The following KIRREL3 variants were observed in gnomAD, a reference collection of about 807,000 sequenced individuals.
KIRREL3 encodes the protein kirre like nephrin family adhesion molecule 3, also known as kin of IRRE-like protein 3.
KIRREL3 carries 36 observed loss-of-function variants against 89.7 expected under a neutral mutation model. The ratio of observed to expected loss-of-function variants is 0.40; its 90% confidence interval spans 0.31 to 0.53. The LOEUF (loss-of-function observed/expected upper bound fraction) is 0.53. KIRREL3 is among the 20% of genes least tolerant of loss of function. KIRREL3 has a pLI of 0.49. For synonymous variants in KIRREL3, 445 were observed against 441.4 expected (o/e 1.01, Z -0.10); for missense variants, 864 against 1,056.6 (o/e 0.82, Z 2.53).
At position 126,903,594 on chromosome 11, in the gene KIRREL3, G is replaced by C. The variant is rs969269763; in HGVS notation, c.55+96861C>G. 2.2e-4 allele frequency among the ~76,000 whole-genome samples: 33 copies of C among 152,080 alleles called. No individual in the cohort carries two copies. The highest frequency in any genetic ancestry group is 3.5e-4 in the Non-Finnish European group (24 of 68,022). On this transcript the variant is annotated intron_variant, in intron 1 of 16. Coordinates refer to ENST00000525144, the MANE Select transcript of KIRREL3 (RefSeq NM_032531.4). This position sits in a 1 kb window ranked among gnomAD's most constrained non-coding sequence, Gnocchi z 4.5. The stretch of plus-strand genomic sequence containing the variant: ...TGAGTTTATTACTACCCATAACCCT[G>C]GCCTAAGTGGAAACAAAAAAGCTGT...
intron 6 of KIRREL3, among the ~76,000 whole-genome samples, chr11:126,456,689 G>GA (rs922204462): frequency 5.3e-5 from 8 of 152,134 alleles, no homozygotes; most frequent in African/African-American, 1.7e-4. Context: ...CACGAACCCC[G>GA]AGCCAGGAAG....
At chr11:126,743,717 A>C (rs1427406339) in intron 1 of KIRREL3, among the ~76,000 whole-genome samples, 1 of 152,204 alleles carries the variant, frequency 6.6e-6, no homozygotes, top group Non-Finnish European at 1.5e-5. Context: ...TAATATGGGG[A>C]TATGATTACG....
At chr11:126,829,383 AC>A (rs1208628266) in intron 1 of KIRREL3, among the ~76,000 whole-genome samples, 2 of 152,174 alleles carry the variant, frequency 1.3e-5, no homozygotes, top group Non-Finnish European at 2.9e-5. Flanking sequence ...TGAATCAATA[AC>A]TTTTGCTAAT....
At chr11:126,505,381 C>A (rs775654261) in intron 4 of KIRREL3, among the ~76,000 whole-genome samples, 1 of 152,136 alleles carries the variant, frequency 6.6e-6, no homozygotes. Context: ...ACCAGCCTGG[C>A]CAACATGGTG....
In KIRREL3 at chr11:126,429,610, C is replaced by T. The variant is rs1955056072; in HGVS notation, c.1697-322G>A. ...GGTCCTTTTCATCCTACTGAATTCT[C>T]ACTTCCTTCTAGAAGTCTTCTCTGA... On this transcript the variant is annotated intron_variant, in intron 14 of 16. Coordinates refer to ENST00000525144, the MANE Select transcript of KIRREL3 (RefSeq NM_032531.4). The surrounding 1 kb of genome is among the most constrained non-coding windows in gnomAD (Gnocchi z 5.2). Among the ~76,000 whole-genome samples, 1 of 152,228 alleles carries T rather than the reference C, an allele frequency of 6.6e-6. No individual in the cohort carries two copies. The highest frequency in any genetic ancestry group is 2.4e-5 in the African/African-American group (1 of 41,466).
At chr11:126,663,420 C>T (rs917416557) in intron 1 of KIRREL3, among the ~76,000 whole-genome samples, 3 of 151,966 alleles carry the variant, frequency 2.0e-5, no homozygotes, top group African/African-American at 4.8e-5. Context: ...GTCCTGACCT[C>T]GTGATCCGCC....
intron 1 of KIRREL3, among the ~76,000 whole-genome samples, chr11:126,800,018 C>T (rs1950982003): frequency 6.6e-6 from 1 of 152,174 alleles, no homozygotes; most frequent in Non-Finnish European, 1.5e-5. Flanking sequence ...GTGGGTGGGG[C>T]TCTGAGCATT....
chr11:126,744,133 G>A lies in KIRREL3; in HGVS notation c.56-181221C>T, dbSNP rs1033018663. Among the ~76,000 whole-genome samples the A allele has an allele frequency of 2.6e-5, 4 of 152,210 alleles. No homozygotes were observed. Among genetic ancestry groups the A allele is most frequent in the Admixed American group, 2.6e-4 (4 of 15,290 alleles). On this transcript the variant is annotated intron_variant, in intron 1 of 16. Coordinates refer to ENST00000525144, the MANE Select transcript of KIRREL3 (RefSeq NM_032531.4). This position sits in a 1 kb window ranked among gnomAD's most constrained non-coding sequence, Gnocchi z 4.7. ...GCCCAGGAAGGTGGAGCTGTGCTTG[G>A]GAAAGTGGTGGACAGGCCATTCATG...
In KIRREL3 at chr11:126,651,735, T is replaced by G. The variant is rs1417200794; in HGVS notation, c.56-88823A>C. Among the ~76,000 whole-genome samples, 1 of 152,232 alleles carries G rather than the reference T, an allele frequency of 6.6e-6. No homozygotes were observed. The highest frequency in any genetic ancestry group is 1.5e-5 in the Non-Finnish European group (1 of 68,048). On this transcript the variant is annotated intron_variant, in intron 1 of 16. Transcript: ENST00000525144. The surrounding 1 kb of genome is among the most constrained non-coding windows in gnomAD (Gnocchi z 4.6). ...TTTTCATTCCTTTTTTATAATAAGC[T>G]AATTAGTTTAAATTATTTGTACTTG...
At chr11:126,856,290 G>A (rs1008228072) in intron 1 of KIRREL3, among the ~76,000 whole-genome samples, 1 of 152,078 alleles carries the variant, frequency 6.6e-6, no homozygotes, top group Non-Finnish European at 1.5e-5. Flanking sequence ...CTACCTCTCA[G>A]CTTTGCTTCT....
At chr11:126,663,018 A>G (rs1157687443) in intron 1 of KIRREL3, among the ~76,000 whole-genome samples, 1 of 149,938 alleles carries the variant, frequency 6.7e-6, no homozygotes, top group African/African-American at 2.5e-5. Context: ...TCTGGCAGAA[A>G]TACTATGGAA....
chr11:126,436,740 C>T, intron 12 of KIRREL3, 71 bp downstream of exon 12: 1 of 1,565,156 alleles, frequency 6.4e-7, no homozygotes, highest in Non-Finnish European at 8.8e-7. Flanking sequence ...CACCCGCGCC[C>T]TGACCTAGGT....
chr11:126,945,780 G>A (rs982146690), intron 1 of KIRREL3, among the ~76,000 whole-genome samples: 3 of 152,138 alleles, frequency 2.0e-5, no homozygotes, highest in African/African-American at 7.2e-5. Context: ...GCATGTTGAC[G>A]GTTATAAAGT....
chr11:126,930,778 T>C (rs1256820715), intron 1 of KIRREL3, among the ~76,000 whole-genome samples: 3 of 152,182 alleles, frequency 2.0e-5, no homozygotes, highest in Non-Finnish European at 4.4e-5. Context: ...ATCAGGTATC[T>C]GGTTGTGTTA....
At chr11:127,002,547 T>C (rs1950333026), upstream of KIRREL3, among the ~76,000 whole-genome samples, 1 of 152,120 alleles carries the variant, frequency 6.6e-6, no homozygotes, top group Non-Finnish European at 1.5e-5. Flanking sequence ...ATATGCCAAA[T>C]AACACAGTAA....
At chr11:126,672,482 A>G (rs898354453) in intron 1 of KIRREL3, among the ~76,000 whole-genome samples, 1 of 152,262 alleles carries the variant, frequency 6.6e-6, no homozygotes, top group Non-Finnish European at 1.5e-5. Flanking sequence ...CTGAAAAAAC[A>G]TATTGAATGA....
rs1939906670 is a variant in KIRREL3 at position 126,558,942 on chromosome 11, C to T, written c.133+3893G>A. Among the ~76,000 whole-genome samples, 1 of 152,022 alleles carries T rather than the reference C, an allele frequency of 6.6e-6. No individual in the cohort carries two copies. Among genetic ancestry groups the T allele is most frequent in the African/African-American group, 2.4e-5 (1 of 41,382 alleles). Reference sequence around the variant, plus strand: ...TTGTGTGTGTATGTGTGTGTGCATGCTCATGTGTGTGTTGGAGATGTGGCT... The same window carrying T: ...TTGTGTGTGTATGTGTGTGTGCATGTTCATGTGTGTGTTGGAGATGTGGCT... On this transcript the variant is annotated intron_variant, in intron 2 of 16. Transcript: ENST00000525144. This position sits in a 1 kb window ranked among gnomAD's most constrained non-coding sequence, Gnocchi z 4.0.
intron 1 of KIRREL3, among the ~76,000 whole-genome samples, chr11:126,889,921 G>T (rs1418349491): frequency 1.3e-5 from 2 of 152,128 alleles, no homozygotes; most frequent in South Asian, 4.1e-4. Context: ...TTTCTTCCTT[G>T]CATATCCAAG....
At position 126,495,601 on chromosome 11, in the gene KIRREL3, C is replaced by T. The variant is rs1043438143; in HGVS notation, c.434-22135G>A. ...TCTAGCGCCACCCCAGCAGCAGATG[C>T]CTCAGGAAGGAAGCGACCCTGTTGT... On this transcript the variant is annotated intron_variant, in intron 4 of 16. Transcript: ENST00000525144. The surrounding 1 kb of genome is among the most constrained non-coding windows in gnomAD (Gnocchi z 6.5). Among the ~76,000 whole-genome samples the T allele has an allele frequency of 6.6e-6, 1 of 152,116 alleles. No individual in the cohort carries two copies. Among genetic ancestry groups the T allele is most frequent in the Non-Finnish European group, 1.5e-5 (1 of 68,022 alleles).
Sources: gnomAD v4.1 joint callset for allele counts (sites outside exome capture counted in the v4.1 genomes callset) on GRCh38, gnomAD v4.1.1 for gene constraint, Gnocchi (gnomAD v3.1) non-coding constraint, MANE v1.5 for transcripts, NCBI Gene and HGNC (gene_info 2026-07-23, HGNC 2026-07-21) for gene names.